The following CNTN6 variants were observed in gnomAD, a reference collection of about 807,000 sequenced individuals.
CNTN6 encodes the protein contactin 6, also known as contactin-6.
Under a neutral mutation model 122.8 loss-of-function variants are expected in CNTN6, and 137 were observed. The ratio of observed to expected loss-of-function variants is 1.12; its 90% CI spans 0.97 to 1.29. The LOEUF (loss-of-function observed/expected upper bound fraction) is 1.29, where lower values mean the gene tolerates loss of function less well. Ranked by LOEUF, CNTN6 falls within the 50% of genes most tolerant of loss-of-function variation. CNTN6 has a pLI of 0.00. For missense variants in CNTN6, 1,634 were observed against 1,223.4 expected (o/e 1.34, Z -5.01); for synonymous variants, 570 against 426.0 (o/e 1.34, Z -4.16).
At chr3:1,366,377 T>C (rs1260500820) in intron 12 of CNTN6, among the ~76,000 whole-genome samples, 1 of 152,152 alleles carries the variant, frequency 6.6e-6, no homozygotes, top group Non-Finnish European at 1.5e-5. Flanking sequence ...GATCCATAAA[T>C]ACCGAGAAGT....
At chr3:1,108,309 C>A (rs773838651) in intron 1 of CNTN6, among the ~76,000 whole-genome samples, 2 of 151,972 alleles carry the variant, frequency 1.3e-5, no homozygotes, top group Non-Finnish European at 2.9e-5. Flanking sequence ...AATGAGATAT[C>A]TTGGGGATTG....
At chr3:1,368,404 C>T (rs1369120891) in intron 12 of CNTN6, among the ~76,000 whole-genome samples, 1 of 152,104 alleles carries the variant, frequency 6.6e-6, no homozygotes, top group Non-Finnish European at 1.5e-5. Context: ...ATCATCAGCT[C>T]TAGATATTTC....
chr3:1,338,994 G>C (rs190620005), intron 11 of CNTN6, among the ~76,000 whole-genome samples: 40 of 151,956 alleles, frequency 2.6e-4, no homozygotes, highest in Non-Finnish European at 5.9e-5. Context: ...AGAAATAAAA[G>C]CTGGAGTAAT....
intron 11 of CNTN6, among the ~76,000 whole-genome samples, chr3:1,349,585 ATTC>A (rs1705307708): frequency 6.6e-6 from 1 of 152,034 alleles, no homozygotes; most frequent in Admixed American, 6.6e-5. Context: ...GTTCCAGTTA[ATTC>A]TTACATGTGC....
At chr3:1,127,074 A>T (rs562685268) in intron 1 of CNTN6, among the ~76,000 whole-genome samples, 1 of 151,490 alleles carries the variant, frequency 6.6e-6, no homozygotes. Flanking sequence ...TTTAGTTTTT[A>T]TATATTTTAT....
chr3:1,289,375 A>G (rs1235922275), intron 5 of CNTN6, among the ~76,000 whole-genome samples: 3 of 152,152 alleles, frequency 2.0e-5, no homozygotes, highest in South Asian at 2.1e-4. Context: ...ATCTTCACCA[A>G]TTCAGAGGGC....
At position 1,403,547 on chromosome 3, in the gene CNTN6, T is replaced by C. The variant is rs1249460209; in HGVS notation, c.*129T>C. Reference sequence around the variant, plus strand: ...GCAAAGAAAAAAAAAAGTATATTATTAAAATCCTGTAAATATCTATGGTAT... The same window carrying C: ...GCAAAGAAAAAAAAAAGTATATTATCAAAATCCTGTAAATATCTATGGTAT... On this transcript the variant is annotated 3_prime_UTR_variant, in exon 23 of 23. Coordinates refer to ENST00000446702, the MANE Select transcript of CNTN6 (RefSeq NM_001289080.2). The C allele has an allele frequency of 3.9e-6, 2 of 508,706 alleles. No homozygotes were observed. Among genetic ancestry groups the C allele is most frequent in the African/African-American group, 3.9e-5 (2 of 51,050 alleles). 31.5% of individuals were successfully genotyped at this position (508,706 alleles called of 1,614,324 possible).
At chr3:1,251,174 G>A (rs772022953) in intron 4 of CNTN6, among the ~76,000 whole-genome samples, 11 of 152,094 alleles carry the variant, frequency 7.2e-5, no homozygotes, top group South Asian at 2.1e-4. Context: ...GACTTCTTTC[G>A]TTCTGTTGCC....
chr3:1,268,019 A>T (rs60128724), intron 4 of CNTN6, among the ~76,000 whole-genome samples: 3,092 of 152,300 alleles, frequency 0.02, 100 homozygotes, highest in African/African-American at 0.069. Context: ...TTTATATCAC[A>T]TATTAATCCC....
At chr3:1,220,648 C>T in intron 2 of CNTN6, 39 bp from the exon 3 acceptor site, 2 of 1,556,668 alleles carry the variant, frequency 1.3e-6, no homozygotes, top group Non-Finnish European at 1.7e-6. Context: ...AAAACAGGGC[C>T]ACTTTTTTTT....
In CNTN6 at chr3:1,202,535, C is replaced by T. The variant is rs1029957619; in HGVS notation, c.56-18152C>T. On this transcript the variant is annotated intron_variant, in intron 2 of 22. Transcript: ENST00000446702. ...CAGCCTGGGCGACAGAGCCAGACTCCGTCTCAAAAAATAAATAAATAAATA... is the reference window on the plus strand; with the variant it reads ...CAGCCTGGGCGACAGAGCCAGACTCTGTCTCAAAAAATAAATAAATAAATA... Among the ~76,000 whole-genome samples the T allele has an allele frequency of 5.9e-5, 7 of 118,720 alleles. No homozygotes were observed. The South Asian group carries it at 7.6e-4, about 13-fold the overall frequency. 77.9% of individuals were successfully genotyped at this position (118,720 alleles called of 152,430 possible). A position where few individuals can be genotyped will look rare whatever the true frequency, so the allele number is the denominator to read the frequency against.
chr3:1,145,853 TTTGGATG>T (rs1288728463), intron 1 of CNTN6, among the ~76,000 whole-genome samples: 7 of 152,186 alleles, frequency 4.6e-5, no homozygotes, highest in Admixed American at 4.6e-4. Context: ...TTCCAAAGAC[TTTGGATG>T]TTTGTGAAAT....
intron 1 of CNTN6, among the ~76,000 whole-genome samples, chr3:1,127,812 A>G (rs4324457): frequency 0.46 from 69,221 of 151,622 alleles, 15,956 homozygotes; most frequent in African/African-American, 0.49. Flanking sequence ...CGGCCAAAGC[A>G]ACAATTGATG....
chr3:1,257,952 AAGTG>A (rs990372681), intron 4 of CNTN6, among the ~76,000 whole-genome samples: 3 of 152,178 alleles, frequency 2.0e-5, no homozygotes, highest in Non-Finnish European at 4.4e-5. Context: ...AAACTAGAGA[AAGTG>A]AGTGAGGAAC....
intron 20 of CNTN6, chr3:1,394,160 G>A (rs1410072401): frequency 1.5e-5 from 3 of 195,776 alleles, no homozygotes; most frequent in Non-Finnish European, 2.1e-5. Flanking sequence ...CTACATAGGA[G>A]AACTGCTCCT....
chr3:1,272,219 C>G (rs2095038366), intron 4 of CNTN6, among the ~76,000 whole-genome samples: 1 of 152,200 alleles, frequency 6.6e-6, no homozygotes, highest in Non-Finnish European at 1.5e-5. Context: ...TATCCAGTCT[C>G]AGGTATTTCT....
chr3:1,340,131 T>C (rs1703673568), intron 11 of CNTN6, among the ~76,000 whole-genome samples: 2 of 152,096 alleles, frequency 1.3e-5, no homozygotes, highest in African/African-American at 4.8e-5. Context: ...GATCAGTAAG[T>C]GATAGAAAAA....
chr3:1,180,646 A>T (rs1278550554), intron 2 of CNTN6, among the ~76,000 whole-genome samples: 1 of 152,238 alleles, frequency 6.6e-6, no homozygotes, highest in Non-Finnish European at 1.5e-5. Flanking sequence ...AATTTTGAAA[A>T]ACAGGCTTAA....
At chr3:1,169,795 A>G (rs1354410) in intron 2 of CNTN6, among the ~76,000 whole-genome samples, 91,102 of 152,052 alleles carry the variant, frequency 0.6, 28,315 homozygotes, top group East Asian at 0.78. Flanking sequence ...TTTATTTGAT[A>G]AACTTTGGTC....
Sources: allele counts gnomAD v4.1 joint callset (sites outside exome capture counted in the v4.1 genomes callset), GRCh38; gene constraint gnomAD v4.1.1; transcripts MANE v1.5; gene names NCBI Gene and HGNC (gene_info 2026-07-23, HGNC 2026-07-21).